The following KLF8 variants were observed in gnomAD, a reference collection of about 807,000 sequenced individuals.
The protein encoded by KLF8 is Krueppel-like factor 8.
Under a neutral mutation model 18.2 loss-of-function variants are expected in KLF8, and 10 were observed. That is an observed-to-expected ratio of 0.55 (90% CI 0.34 to 0.93). The LOEUF (loss-of-function observed/expected upper bound fraction) is 0.93. KLF8 is among the 40% of genes least tolerant of loss of function. The probability of loss-of-function intolerance (pLI) is 0.02; values close to 1 mark genes in which losing one functional copy is unlikely to be tolerated. For missense variants in KLF8, 264 were observed against 277.9 expected (o/e 0.95, Z 0.36); for synonymous variants, 109 against 97.3 (o/e 1.12, Z -0.71).
chrX:56,033,017 C>T, the KLF8 span, among the ~76,000 whole-genome samples: 1 of 111,675 alleles, frequency 9.0e-6, no homozygotes, highest in Non-Finnish European at 1.9e-5. Flanking sequence ...TTTTATAATA[C>T]ATTAACAAAT....
chrX:56,153,007 C>A, the KLF8 span, among the ~76,000 whole-genome samples: 1 of 111,691 alleles, frequency 9.0e-6, no homozygotes, highest in Non-Finnish European at 1.9e-5. Context: ...TTTTAAAAAT[C>A]ATTGAACACG....
the KLF8 span, among the ~76,000 whole-genome samples, chrX:56,169,621 A>G: frequency 1.8e-5 from 2 of 111,629 alleles, no homozygotes; most frequent in Non-Finnish European, 3.8e-5. Context: ...AGGAAAGAGA[A>G]GAGTGGGAAG....
intron 5 of KLF8, among the ~76,000 whole-genome samples, chrX:56,274,597 G>A (rs755129733): frequency 8.9e-6 from 1 of 112,084 alleles, no homozygotes; most frequent in Non-Finnish European, 1.9e-5. Flanking sequence ...CCAGTTCAAT[G>A]TCCTGGAGAC....
At chrX:56,058,279 CATATATATAT>C in the KLF8 span, among the ~76,000 whole-genome samples, 138 of 7,290 alleles carry the variant, frequency 0.019, no homozygotes, top group Admixed American at 0.038. Context: ...CATATATATA[CATATATATAT>C]ATATATATAT....
the KLF8 span, among the ~76,000 whole-genome samples, chrX:55,956,491 G>T: frequency 9.0e-6 from 1 of 111,427 alleles, no homozygotes; most frequent in East Asian, 2.8e-4. Context: ...TTTCCGTAAG[G>T]CTTGTACCAC....
the KLF8 span, among the ~76,000 whole-genome samples, chrX:56,091,229 T>G: frequency 3.6e-5 from 4 of 110,953 alleles, no homozygotes; most frequent in Non-Finnish European, 7.5e-5. Flanking sequence ...TGAGTTCTCA[T>G]GAGATCTGAT....
At chrX:56,020,884 A>G in the KLF8 span, among the ~76,000 whole-genome samples, 1 of 111,986 alleles carries the variant, frequency 8.9e-6, no homozygotes, top group African/African-American at 3.2e-5. Flanking sequence ...CACCATTCCA[A>G]TAACACAGAA....
At chrX:56,039,196 A>G in the KLF8 span, among the ~76,000 whole-genome samples, 4 of 112,321 alleles carry the variant, frequency 3.6e-5, no homozygotes, top group Non-Finnish European at 7.5e-5. Flanking sequence ...TTTGCTGTGT[A>G]GAAGCTCTTT....
the KLF8 span, among the ~76,000 whole-genome samples, chrX:56,027,588 C>A: frequency 8.9e-6 from 1 of 112,301 alleles, no homozygotes; most frequent in Non-Finnish European, 1.9e-5. Context: ...GGCTGAAGTG[C>A]CCTGAGGCAA....
the KLF8 span, among the ~76,000 whole-genome samples, chrX:56,032,359 T>G: frequency 1.8e-5 from 2 of 111,267 alleles, no homozygotes; most frequent in Non-Finnish European, 1.9e-5. Flanking sequence ...TTTAGTAAAA[T>G]TTATTCTTTT....
At chrX:56,185,563 A>G in the KLF8 span, among the ~76,000 whole-genome samples, 1 of 111,447 alleles carries the variant, frequency 9.0e-6, no homozygotes, top group African/African-American at 3.3e-5. Flanking sequence ...ACTCCAAGAC[A>G]CATAATTGTC....
the KLF8 span, chrX:55,908,429 G>C: frequency 1.0e-5 from 3 of 296,262 alleles, no homozygotes; most frequent in Non-Finnish European, 1.8e-5. Context: ...GGGTGGAGCC[G>C]CTGGGTGGGG....
At chrX:56,221,275 C>T in the KLF8 span, among the ~76,000 whole-genome samples, 2 of 112,002 alleles carry the variant, frequency 1.8e-5, no homozygotes, top group Non-Finnish European at 3.8e-5. Context: ...ATTCCTACTT[C>T]GGTCATGATT....
At chrX:55,996,021 T>C in the KLF8 span, among the ~76,000 whole-genome samples, 1 of 112,049 alleles carries the variant, frequency 8.9e-6, no homozygotes, top group Non-Finnish European at 1.9e-5. Context: ...TTGGTCTCTT[T>C]ACATAATCCC....
chrX:56,127,882 A>G, the KLF8 span, among the ~76,000 whole-genome samples: 1 of 111,751 alleles, frequency 8.9e-6, no homozygotes, highest in South Asian at 3.8e-4. Context: ...AAAAACAGAT[A>G]AGGGCCAACA....
chrX:55,952,865 A>G, the KLF8 span, among the ~76,000 whole-genome samples: 2 of 111,866 alleles, frequency 1.8e-5, no homozygotes, highest in East Asian at 2.8e-4. Context: ...AAATGCATTA[A>G]TGCCATTATC....
At chrX:56,018,672 T>G in the KLF8 span, among the ~76,000 whole-genome samples, 35 of 110,993 alleles carry the variant, frequency 3.2e-4, no homozygotes, top group Middle Eastern at 4.7e-3. Context: ...ATATGCTAAT[T>G]TGCTATACTA....
At chrX:56,090,261 C>G in the KLF8 span, among the ~76,000 whole-genome samples, 1 of 111,973 alleles carries the variant, frequency 8.9e-6, no homozygotes, top group Non-Finnish European at 1.9e-5. Flanking sequence ...AATAGAGCTA[C>G]AGCAAACAGT....
chrX:55,916,124 G>A, the KLF8 span, among the ~76,000 whole-genome samples: 9 of 111,936 alleles, frequency 8.0e-5, no homozygotes, highest in African/African-American at 2.6e-4. Flanking sequence ...CTTATACCTA[G>A]ATAAACCAGC....
Sources: gnomAD v4.1 joint callset for allele counts (sites outside exome capture counted in the v4.1 genomes callset) on GRCh38, gnomAD v4.1.1 for gene constraint, MANE v1.5 for transcripts, NCBI Gene and HGNC (gene_info 2026-07-23, HGNC 2026-07-21) for gene names.